EVI5: variants seen among roughly 807,000 people sequenced by gnomAD.
The protein encoded by EVI5 is ecotropic viral integration site 5, also known as ecotropic viral integration site 5 protein homolog.
A neutral mutation model predicts 112.0 loss-of-function variants in EVI5; 73 were observed. The observed-to-expected ratio is 0.65, with a 90% CI of 0.54 to 0.79. The LOEUF is 0.79. EVI5 is among the 30% of genes least tolerant of loss of function. The pLI is 0.00. For synonymous variants in EVI5, 305 were observed against 319.9 expected, an observed-to-expected ratio of 0.95 and a Z score of 0.50; for missense variants, 900 against 968.8, an observed-to-expected ratio of 0.93 and a Z score of 0.94.
chr1:92,530,042 T>A (rs1028497743), intron 19 of EVI5, among the ~76,000 whole-genome samples: 1 of 152,190 alleles, frequency 6.6e-6, no homozygotes, highest in Admixed American at 6.5e-5. Context: ...ATGGAATAAT[T>A]GGTAGGTGTG....
intron 9 of EVI5, among the ~76,000 whole-genome samples, chr1:92,678,887 GT>G (rs1219037195): frequency 6.6e-6 from 1 of 152,148 alleles, no homozygotes; most frequent in African/African-American, 2.4e-5. Flanking sequence ...CCACTCTGGG[GT>G]TTAGAAAGCT....
intron 18 of EVI5, among the ~76,000 whole-genome samples, chr1:92,595,331 C>T (rs984343555): frequency 2.7e-4 from 41 of 151,198 alleles, no homozygotes; most frequent in Non-Finnish European, 5.5e-4. Context: ...AAACAAACAC[C>T]GCATGTTCTC....
intron 1 of EVI5, among the ~76,000 whole-genome samples, chr1:92,775,761 T>C (rs1028833534): frequency 6.6e-6 from 1 of 152,166 alleles, no homozygotes; most frequent in Admixed American, 6.5e-5. Flanking sequence ...AAAAGGCCAA[T>C]GGGGATTTTG....
At chr1:92,558,749 C>A (rs779751818) in intron 19 of EVI5, among the ~76,000 whole-genome samples, 1 of 151,684 alleles carries the variant, frequency 6.6e-6, no homozygotes. Context: ...GCCCTGTAGT[C>A]CCAGCTACTC....
intron 19 of EVI5, among the ~76,000 whole-genome samples, chr1:92,526,028 GCTTCTA>G: frequency 6.6e-6 from 1 of 151,546 alleles, no homozygotes; most frequent in South Asian, 2.1e-4. Context: ...TAGGGTTCTG[GCTTCTA>G]GAACAATGGA....
intron 19 of EVI5, among the ~76,000 whole-genome samples, chr1:92,543,130 A>G (rs559412878): frequency 6.6e-6 from 1 of 152,220 alleles, no homozygotes; most frequent in Non-Finnish European, 1.5e-5. Context: ...TAGGAAAGCC[A>G]TAGAGGGCAT....
intron 13 of EVI5, among the ~76,000 whole-genome samples, chr1:92,640,455 G>C (rs1467478599): frequency 6.6e-6 from 1 of 152,070 alleles, no homozygotes; most frequent in Non-Finnish European, 1.5e-5. Flanking sequence ...GATATGAATA[G>C]ACACTTCTCA....
At chr1:92,575,218 G>T (rs1312288819) in intron 18 of EVI5, among the ~76,000 whole-genome samples, 1 of 152,090 alleles carries the variant, frequency 6.6e-6, no homozygotes, top group African/African-American at 2.4e-5. Context: ...ATTTTGCTAC[G>T]TGGGCTTTCG....
intron 2 of EVI5, among the ~76,000 whole-genome samples, chr1:92,716,305 G>A (rs1371023904): frequency 6.6e-6 from 1 of 152,196 alleles, no homozygotes; most frequent in Non-Finnish European, 1.5e-5. Context: ...TGCAGCCTCT[G>A]CTGGTGATAC....
At chr1:92,568,523 C>T (rs995272528) in intron 18 of EVI5, among the ~76,000 whole-genome samples, 12 of 152,186 alleles carry the variant, frequency 7.9e-5, no homozygotes, top group Middle Eastern at 3.2e-3. Context: ...GCCCTAACGT[C>T]TAAAGCATCA....
chr1:92,719,020 C>T (rs1008626570), intron 2 of EVI5, among the ~76,000 whole-genome samples: 2 of 152,036 alleles, frequency 1.3e-5, no homozygotes, highest in Non-Finnish European at 2.9e-5. Context: ...CTGAATATAC[C>T]AATAACAGGC....
chr1:92,637,810 T>C (rs1417135020), intron 13 of EVI5, among the ~76,000 whole-genome samples: 4 of 142,398 alleles, frequency 2.8e-5, no homozygotes, highest in Admixed American at 1.5e-4. Flanking sequence ...GCTTAATACA[T>C]GGTACTCTCC....
chr1:92,650,660 A>G (rs1031233628), intron 13 of EVI5, among the ~76,000 whole-genome samples: 1 of 151,846 alleles, frequency 6.6e-6, no homozygotes, highest in Non-Finnish European at 1.5e-5. Flanking sequence ...TAATCTTCCA[A>G]ATTTTCTATC....
intron 2 of EVI5, among the ~76,000 whole-genome samples, chr1:92,726,147 T>A (rs2102733885): frequency 6.6e-6 from 1 of 152,298 alleles, no homozygotes; most frequent in South Asian, 2.1e-4. Context: ...AAAAATTATC[T>A]GAAGAAAACA....
chr1:92,525,172 C>T (rs879505308), intron 19 of EVI5, among the ~76,000 whole-genome samples: 3 of 151,360 alleles, frequency 2.0e-5, no homozygotes, highest in African/African-American at 7.3e-5. Context: ...ATAGGAGAGA[C>T]ACATACATCG....
chr1:92,568,822 TTTC>T lies in EVI5; in HGVS notation c.2071-5088_2071-5086del, dbSNP rs1169536580. Among the ~76,000 whole-genome samples, 5 of 152,248 alleles carry T rather than the reference TTTC, an allele frequency of 3.3e-5. No homozygotes were observed. The East Asian group carries it at 7.7e-4, about 23-fold the overall frequency. On this transcript the variant is annotated intron_variant, in intron 18 of 19. Coordinates refer to ENST00000684568, the MANE Select transcript of EVI5 (RefSeq NM_001350197.2). Reference sequence around the variant, plus strand: ...TTCCTTATGATTTTCTTAATAACATTTTCTTTTTTCTAGCTTATTTTAAGAATA... The same window carrying T: ...TTCCTTATGATTTTCTTAATAACATTTTTTTTCTAGCTTATTTTAAGAATA...
chr1:92,769,976 A>G (rs1683151343), intron 1 of EVI5, among the ~76,000 whole-genome samples: 1 of 152,238 alleles, frequency 6.6e-6, no homozygotes. Flanking sequence ...TATGAGAGAG[A>G]AAACAATGTG....
chr1:92,517,111 CTG>C (rs1660034889), intron 19 of EVI5, among the ~76,000 whole-genome samples: 1 of 152,152 alleles, frequency 6.6e-6, no homozygotes, highest in Admixed American at 6.5e-5. Context: ...GGTCGGATCT[CTG>C]TATCAGTGCG....
chr1:92,688,323 A>G (rs1668904605), intron 9 of EVI5, among the ~76,000 whole-genome samples: 1 of 152,176 alleles, frequency 6.6e-6, no homozygotes, highest in South Asian at 2.1e-4. Flanking sequence ...CATAGGTGGG[A>G]GCTGAACAAA....
Sources: allele counts gnomAD v4.1 joint callset (sites outside exome capture counted in the v4.1 genomes callset), GRCh38; gene constraint gnomAD v4.1.1; transcripts MANE v1.5; gene names NCBI Gene and HGNC (gene_info 2026-07-23, HGNC 2026-07-21).